Variants in PLAGL1 observed in about 807,000 individuals in gnomAD.
The protein encoded by PLAGL1 is zinc finger protein PLAGL1.
PLAGL1 carries 1 observed loss-of-function variant against 4.6 expected under a neutral mutation model. The observed-to-expected ratio is 0.22, with a 90% CI of 0.08 to 1.03. The LOEUF is 1.03. Among genes scored for constraint, PLAGL1 ranks in the 50% least tolerant of loss-of-function variants. The pLI, the probability that PLAGL1 is intolerant of heterozygous loss-of-function variation, is 0.58. For synonymous variants in PLAGL1, 240 were observed against 237.8 expected (o/e 1.01, Z -0.08); for missense variants, 464 against 570.4 (o/e 0.81, Z 1.90).
intron 6 of PLAGL1, among the ~76,000 whole-genome samples, chr6:143,951,862 A>G (rs1449951009): frequency 1.3e-5 from 2 of 152,248 alleles, no homozygotes; most frequent in Non-Finnish European, 2.9e-5. Context: ...ACTAATTGCA[A>G]AGTTGGTCCT....
intron 1 of PLAGL1, among the ~76,000 whole-genome samples, chr6:144,054,029 G>A (rs138784281): frequency 0.018 from 2,698 of 150,792 alleles, 42 homozygotes; most frequent in Middle Eastern, 0.054. Flanking sequence ...TTTAACTCTA[G>A]GTCTTAACTT....
chr6:143,988,791 A>T (rs2128625354), intron 1 of PLAGL1, among the ~76,000 whole-genome samples: 1 of 152,304 alleles, frequency 6.6e-6, no homozygotes, highest in East Asian at 1.9e-4. Flanking sequence ...AAGAAAAGCC[A>T]GCTAGTTCTC....
At chr6:143,944,344 C>T (rs1308239653) in intron 7 of PLAGL1, among the ~76,000 whole-genome samples, 1 of 152,106 alleles carries the variant, frequency 6.6e-6, no homozygotes, top group Non-Finnish European at 1.5e-5. Flanking sequence ...AGGCCCCCAC[C>T]TAGAGGCCAA....
At position 143,990,763 on chromosome 6, in the gene PLAGL1, GA is replaced by G; in HGVS notation, c.-583-5590del. 6.6e-6 allele frequency among the ~76,000 whole-genome samples: 1 copy of G among 152,316 alleles called. No homozygotes were observed. The highest frequency in any genetic ancestry group is 1.9e-4 in the East Asian group (1 of 5,190). Reference sequence around the variant, plus strand: ...AAGGCACTCTTTTCAGGATATTAAAGACTTCATCTTCCCGGGACCCAACCCC... The same window carrying G: ...AAGGCACTCTTTTCAGGATATTAAAGCTTCATCTTCCCGGGACCCAACCCC... On this transcript the variant is annotated intron_variant, in intron 1 of 7. Transcript: ENST00000674357. The surrounding 1 kb of genome is among the most constrained non-coding windows in gnomAD (Gnocchi z 5.4).
intron 1 of PLAGL1, among the ~76,000 whole-genome samples, chr6:144,051,609 A>G (rs1798590681): frequency 6.6e-6 from 1 of 152,234 alleles, no homozygotes; most frequent in African/African-American, 2.4e-5. Context: ...TGCTGCTGAT[A>G]AAGACATATC....
chr6:144,047,852 C>A (rs897873531), intron 1 of PLAGL1, among the ~76,000 whole-genome samples: 1 of 152,140 alleles, frequency 6.6e-6, no homozygotes, highest in Non-Finnish European at 1.5e-5. Context: ...TCCCCAAAGC[C>A]TTCTCATTTC....
At position 143,994,519 on chromosome 6, in the gene PLAGL1, C is replaced by T. The variant is rs1021228791; in HGVS notation, c.-583-9345G>A. 6.6e-6 allele frequency among the ~76,000 whole-genome samples: 1 copy of T among 152,220 alleles called. No homozygotes were observed. The highest frequency in any genetic ancestry group is 6.5e-5 in the Admixed American group (1 of 15,286). On this transcript the variant is annotated intron_variant, in intron 1 of 7. Coordinates refer to ENST00000674357, the MANE Select transcript of PLAGL1 (RefSeq NM_001317162.2). This position sits in a 1 kb window ranked among gnomAD's most constrained non-coding sequence, Gnocchi z 4.3. ...GATTTAACAAGGCAGCCCTACTTCA[C>T]AGTAGCTCTTGAAATCTCAAGTAGG...
Position 143,942,247 on chromosome 6 carries a change from G to T in PLAGL1, c.569C>A (p.Ala190Asp). The change falls in exon 8 of 8, where the codon GCC becomes GAC. Residue 190 changes from alanine (A) to aspartate (D), a missense_variant. Ala to Asp is a moderately radical substitution (Grantham distance 126). Around this residue, in one of 4 missense-constraint regions of PLAGL1, gnomAD observed 35 missense variants for 77.3 expected, o/e 0.45. Transcript: ENST00000674357. This position sits in a 1 kb window ranked among gnomAD's most constrained non-coding sequence, Gnocchi z 7.6. ...GTGATCCTTGCGCCCAAATCTCTGG[G>T]CACAGAACTGGCACAGGAAGTCCTT... ...GCKDFLCQFC[A>D]QRFGRKDHLT... 1 of 1,614,116 alleles carries T rather than the reference G, an allele frequency of 6.2e-7. No individual in the cohort carries two copies. Among genetic ancestry groups the T allele is most frequent in the East Asian group, 2.2e-5 (1 of 44,880 alleles).
chr6:143,986,417 G>T (rs921297025), intron 1 of PLAGL1, among the ~76,000 whole-genome samples: 1 of 152,180 alleles, frequency 6.6e-6, no homozygotes, highest in East Asian at 1.9e-4. Context: ...GCAACAAACT[G>T]TTCACCAGCC....
In PLAGL1 at chr6:144,047,498, G is replaced by T. The variant is rs191602198; in HGVS notation, c.-151+16970C>A. 7.9e-3 allele frequency among the ~76,000 whole-genome samples: 1,199 copies of T among 152,262 alleles called. 7 individuals are homozygous for T. The highest frequency in any genetic ancestry group is 0.015 in the Non-Finnish European group (992 of 68,018). Reference sequence around the variant, plus strand: ...AACTGACTCACAGTTCCACATGGCTGGGAGGCCTCAGGAAACTTACAATCA... The same window carrying T: ...AACTGACTCACAGTTCCACATGGCTTGGAGGCCTCAGGAAACTTACAATCA... On this transcript the variant is annotated intron_variant, in intron 1 of 3. Coordinates refer to the PLAGL1 transcript ENST00000437412.
rs1259010117 is a variant in PLAGL1, at chr6:143,953,751, G to A, written c.-324-5291C>T. Among the ~76,000 whole-genome samples the A allele has an allele frequency of 1.3e-5, 2 of 152,194 alleles. No homozygotes were observed. The highest frequency in any genetic ancestry group is 4.8e-5 in the African/African-American group (2 of 41,450). ...TGATCGACTTGGCCATCCTAAGAAA[G>A]CTAAAGTTTAAGCCAGCATTAAGAG... On this transcript the variant is annotated intron_variant, in intron 6 of 7. Transcript: ENST00000674357. This position sits in a 1 kb window ranked among gnomAD's most constrained non-coding sequence, Gnocchi z 5.3.
chr6:144,010,680 C>G (rs1339956184), upstream of PLAGL1, among the ~76,000 whole-genome samples: 1 of 152,154 alleles, frequency 6.6e-6, no homozygotes, highest in Non-Finnish European at 1.5e-5. This position sits in a 1 kb window ranked among gnomAD's most constrained non-coding sequence, Gnocchi z 4.1. Context: ...AAGCTGGAGG[C>G]ATTACACTAC....
intron 1 of PLAGL1, among the ~76,000 whole-genome samples, chr6:143,988,089 T>C (rs759279572): frequency 6.6e-6 from 1 of 152,224 alleles, no homozygotes; most frequent in Admixed American, 6.5e-5. Flanking sequence ...GTGATGTTTG[T>C]CCAGTAAGTC....
In PLAGL1 at chr6:143,949,952, T is replaced by G. The variant is rs1267138524; in HGVS notation, c.-324-1492A>C. Among the ~76,000 whole-genome samples, 1 of 152,218 alleles carries G rather than the reference T, an allele frequency of 6.6e-6. No individual in the cohort carries two copies. The highest frequency in any genetic ancestry group is 1.5e-5 in the Non-Finnish European group (1 of 68,040). Reference sequence around the variant, plus strand: ...AGTTTAAACATGTTTAAATATAGCATTATGTAGCACACGGACATAACCAAA... The same window carrying G: ...AGTTTAAACATGTTTAAATATAGCAGTATGTAGCACACGGACATAACCAAA... On this transcript the variant is annotated intron_variant, in intron 6 of 7. Coordinates refer to ENST00000674357, the MANE Select transcript of PLAGL1 (RefSeq NM_001317162.2). The surrounding 1 kb of genome is among the most constrained non-coding windows in gnomAD (Gnocchi z 5.3).
In PLAGL1 at chr6:144,059,992, G is replaced by T. The variant is rs1222278692; in HGVS notation, c.-151+4476C>A. ...GAGCAAGTCCTCCTTACTCCTCCAC[G>T]AAGCTTTCTCAAATTTTATGAGAAC... On this transcript the variant is annotated intron_variant, in intron 1 of 3. Coordinates refer to the PLAGL1 transcript ENST00000437412. This position sits in a 1 kb window ranked among gnomAD's most constrained non-coding sequence, Gnocchi z 4.9. Among the ~76,000 whole-genome samples, 1 of 152,018 alleles carries T rather than the reference G, an allele frequency of 6.6e-6. No homozygotes were observed. The highest frequency in any genetic ancestry group is 1.9e-4 in the East Asian group (1 of 5,192).
chr6:144,011,684 G>C (rs372450175), upstream of PLAGL1, among the ~76,000 whole-genome samples: 1 of 152,074 alleles, frequency 6.6e-6, no homozygotes, highest in South Asian at 2.1e-4. The surrounding 1 kb of genome is among the most constrained non-coding windows in gnomAD (Gnocchi z 4.3). Flanking sequence ...AAGGTTTTTC[G>C]GACAAGGAGA....
In PLAGL1 at chr6:143,995,925, G is replaced by A. The variant is rs1309768571; in HGVS notation, c.-583-10751C>T. On this transcript the variant is annotated intron_variant, in intron 1 of 7. Coordinates refer to ENST00000674357, the MANE Select transcript of PLAGL1 (RefSeq NM_001317162.2). The surrounding 1 kb of genome is among the most constrained non-coding windows in gnomAD (Gnocchi z 4.4). The stretch of plus-strand genomic sequence containing the variant: ...AGCCATAAAGTTAAAGCAAAGAGAA[G>A]AACTGAAATCTAGACCTCTAATCTT... Among the ~76,000 whole-genome samples, 1 of 152,210 alleles carries A rather than the reference G, an allele frequency of 6.6e-6. No individual in the cohort carries two copies. Among genetic ancestry groups the A allele is most frequent in the African/African-American group, 2.4e-5 (1 of 41,546 alleles).
chr6:144,023,413 G>A (rs529497129), intron 1 of PLAGL1, among the ~76,000 whole-genome samples: 10 of 152,250 alleles, frequency 6.6e-5, no homozygotes, highest in Non-Finnish European at 1.0e-4. Flanking sequence ...AATGCAGACA[G>A]CGACAAAAGA....
intron 1 of PLAGL1, among the ~76,000 whole-genome samples, chr6:144,052,334 A>T (rs1474840079): frequency 6.6e-6 from 1 of 152,242 alleles, no homozygotes; most frequent in Non-Finnish European, 1.5e-5. Flanking sequence ...GCTGATATTC[A>T]ATAAGGGTCC....
Sources: allele counts gnomAD v4.1 joint callset (sites outside exome capture counted in the v4.1 genomes callset), GRCh38; gene constraint gnomAD v4.1.1; regional missense constraint gnomAD v4.1.1; non-coding constraint Gnocchi (gnomAD v3.1); transcripts MANE v1.5; gene names NCBI Gene and HGNC (gene_info 2026-07-23, HGNC 2026-07-21).